EGFR: variants seen among roughly 807,000 people sequenced by gnomAD.
The protein encoded by EGFR is avian erythroblastic leukemia viral (v-erb-b) oncogene homolog.
In EGFR, 58 loss-of-function variants were observed where a neutral mutation model predicts 143.0. That is an observed-to-expected ratio of 0.41 (90% CI 0.33 to 0.50). The LOEUF is 0.50. Ranked by LOEUF, EGFR falls within the 20% of genes least tolerant of loss-of-function variation. The pLI is 0.39. For synonymous variants in EGFR, 613 were observed against 594.4 expected (o/e 1.03, Z -0.45); for missense variants, 1,307 against 1,579.0 (o/e 0.83, Z 2.92).
At chr7:55,041,295 C>T (rs1787882280) in intron 1 of EGFR, among the ~76,000 whole-genome samples, 1 of 152,162 alleles carries the variant, frequency 6.6e-6, no homozygotes, top group Non-Finnish European at 1.5e-5. Flanking sequence ...CCTGTAATCC[C>T]AGCTATTCGG....
chr7:55,095,915 C>T (rs926429557), intron 1 of EGFR, among the ~76,000 whole-genome samples: 1 of 151,200 alleles, frequency 6.6e-6, no homozygotes, highest in Admixed American at 6.6e-5. Context: ...GACATACATA[C>T]AATACACAGA....
Position 55,181,455 on chromosome 7 carries a change from A to G in EGFR, c.2446A>G (p.Asn816Asp), listed in dbSNP as rs1418675303. Residue 816 changes from asparagine to aspartate, a missense_variant, in exon 20 of 28, where the codon AAC (asparagine) becomes GAC (aspartate). This residue lies in a region of EGFR where 348 missense variants were observed against 451.5 expected (regional missense o/e 0.77). Transcript: ENST00000275493. ...CAATATTGGCTCCCAGTACCTGCTC[A>G]ACTGGTGTGTGCAGATCGCAAAGGT... ...KDNIGSQYLL[N>D]WCVQIAKGMN... The G allele has an allele frequency of 6.2e-7, 1 of 1,614,092 alleles. No homozygotes were observed. The highest frequency in any genetic ancestry group is 8.5e-7 in the Non-Finnish European group (1 of 1,180,040).
In EGFR at chr7:55,210,374, T is replaced by C. The variant is rs951547364; in HGVS notation, c.*4757T>C. 4 of 152,212 alleles carry C rather than the reference T, an allele frequency of 2.6e-5. No homozygotes were observed. Among genetic ancestry groups the C allele is most frequent in the Non-Finnish European group, 5.9e-5 (4 of 68,046 alleles). 9.4% of individuals were successfully genotyped at this position (152,212 alleles called of 1,614,324 possible). A position where few individuals can be genotyped will look rare whatever the true frequency, so the allele number is the denominator to read the frequency against. Reference sequence around the variant, plus strand: ...GGGCCCAGCCACCCTAGAGAAGTTATTCAGCCCTGGCTGCAGTGACATCAC... The same window carrying C: ...GGGCCCAGCCACCCTAGAGAAGTTACTCAGCCCTGGCTGCAGTGACATCAC... On this transcript the variant is annotated 3_prime_UTR_variant, in exon 28 of 28. Coordinates refer to ENST00000275493, the MANE Select transcript of EGFR (RefSeq NM_005228.5).
rs1300837354 is a variant in EGFR at position 55,207,986 on chromosome 7, A to G, written c.*2369A>G. 1.3e-5 allele frequency: 2 copies of G among 152,260 alleles called. No homozygotes were observed. 9.4% of individuals were successfully genotyped at this position (152,260 alleles called of 1,614,324 possible). A position where few individuals can be genotyped will look rare whatever the true frequency, so the allele number is the denominator to read the frequency against. ...TTATGTGTCAAGAAGCAGATGATCG[A>G]TGAGGCAGGTCAGTTGTAAGTGAGT... On this transcript the variant is annotated 3_prime_UTR_variant, in exon 28 of 28. Coordinates refer to ENST00000275493, the MANE Select transcript of EGFR (RefSeq NM_005228.5).
At chr7:55,076,312 C>T (rs915907808) in intron 1 of EGFR, among the ~76,000 whole-genome samples, 3 of 152,158 alleles carry the variant, frequency 2.0e-5, no homozygotes, top group African/African-American at 7.2e-5. Context: ...TTGTAACTTC[C>T]TTCAATCTAA....
chr7:55,171,483 G>A (rs981671232), intron 16 of EGFR, among the ~76,000 whole-genome samples: 3 of 152,244 alleles, frequency 2.0e-5, no homozygotes, highest in Non-Finnish European at 4.4e-5. Flanking sequence ...TGCATGGCCT[G>A]CCTCTGAATT....
chr7:55,153,053 G>C (rs1015233661), intron 6 of EGFR, among the ~76,000 whole-genome samples: 2 of 152,192 alleles, frequency 1.3e-5, no homozygotes, highest in African/African-American at 4.8e-5. Flanking sequence ...TTTATTGTTT[G>C]ACTTCGGCTA....
Position 55,022,077 on chromosome 7 carries a change from CG to C in EGFR, c.88+2715del, listed in dbSNP as rs1172975035. On this transcript the variant is annotated intron_variant, in intron 1 of 27. Coordinates refer to ENST00000275493, the MANE Select transcript of EGFR (RefSeq NM_005228.5). ...GATGAGCCTGTCTGAAGCTTCAACGCGGGCTGTCCGGCAGTCTGCATTCCTG... is the reference window on the plus strand; with the variant it reads ...GATGAGCCTGTCTGAAGCTTCAACGCGGCTGTCCGGCAGTCTGCATTCCTG... Among the ~76,000 whole-genome samples, 5 of 152,272 alleles carry C rather than the reference CG, an allele frequency of 3.3e-5. No homozygotes were observed. The East Asian group carries it at 5.8e-4, about 18-fold the overall frequency.
intron 26 of EGFR, 139 bp downstream of exon 26, chr7:55,201,921 C>A: frequency 9.9e-7 from 1 of 1,010,926 alleles, no homozygotes; most frequent in Non-Finnish European, 1.5e-6. Flanking sequence ...CCCTGCACGG[C>A]TGTCACGCCT....
chr7:55,175,514 G>A (rs1328684042), intron 19 of EGFR, among the ~76,000 whole-genome samples: 1 of 152,214 alleles, frequency 6.6e-6, no homozygotes, highest in Non-Finnish European at 1.5e-5. Context: ...GCTGGCTGGA[G>A]TCTGACAGAG....
chr7:55,143,081 C>T (rs560602389), intron 2 of EGFR, among the ~76,000 whole-genome samples: 29 of 152,316 alleles, frequency 1.9e-4, no homozygotes, highest in African/African-American at 6.3e-4. Context: ...GCTTACTGCT[C>T]ATTATCACAG....
intron 1 of EGFR, among the ~76,000 whole-genome samples, chr7:55,054,706 T>G (rs1788689445): frequency 6.6e-6 from 1 of 152,210 alleles, no homozygotes; most frequent in African/African-American, 2.4e-5. Flanking sequence ...CGGGAAGGTC[T>G]GGACCCCTTG....
At chr7:55,204,432 G>A (rs966131879) in intron 27 of EGFR, among the ~76,000 whole-genome samples, 3 of 140,240 alleles carry the variant, frequency 2.1e-5, no homozygotes, top group Non-Finnish European at 4.6e-5. Context: ...ATGTACACAT[G>A]TACACACACA....
chr7:55,087,459 T>C (rs1404801745), intron 1 of EGFR, among the ~76,000 whole-genome samples: 8 of 152,116 alleles, frequency 5.3e-5, no homozygotes, highest in Non-Finnish European at 1.2e-4. Context: ...AAACATTCTA[T>C]CCGGCAGTCT....
At chr7:55,103,299 T>C (rs1791929389) in intron 1 of EGFR, among the ~76,000 whole-genome samples, 2 of 152,228 alleles carry the variant, frequency 1.3e-5, no homozygotes, top group South Asian at 2.1e-4. Context: ...GTGTGCTTAA[T>C]ACATGGAAAG....
Position 55,142,389 on chromosome 7 carries a change from T to C in EGFR, c.192T>C (p.Asn64=), listed in dbSNP as rs1429293277. The C allele has an allele frequency of 6.8e-6, 11 of 1,614,204 alleles. No homozygotes were observed. Among genetic ancestry groups the C allele is most frequent in the Non-Finnish European group, 9.3e-6 (11 of 1,180,028 alleles). ...MFNNCEVVLG[N]LEITYVQRNY... ...ATAACTGTGAGGTGGTCCTTGGGAATTTGGAAATTACCTATGTGCAGAGGA... is the reference window on the plus strand; with the variant it reads ...ATAACTGTGAGGTGGTCCTTGGGAACTTGGAAATTACCTATGTGCAGAGGA... The change falls in exon 2 of 28, where the codon AAT becomes AAC. Residue 64 remains asparagine, a synonymous_variant. Coordinates refer to ENST00000275493, the MANE Select transcript of EGFR (RefSeq NM_005228.5).
chr7:55,034,603 A>C (rs943322689), intron 1 of EGFR, among the ~76,000 whole-genome samples: 1 of 152,174 alleles, frequency 6.6e-6, no homozygotes, highest in Admixed American at 6.5e-5. Flanking sequence ...CTAGTGTGTA[A>C]TAAGGCCTGC....
intron 1 of EGFR, among the ~76,000 whole-genome samples, chr7:55,084,895 G>C (rs986073549): frequency 1.3e-5 from 2 of 152,146 alleles, no homozygotes; most frequent in Non-Finnish European, 2.9e-5. Context: ...GCTGTCTTCT[G>C]TCCAGGTTCT....
chr7:55,123,660 T>C (rs560528354), intron 1 of EGFR, among the ~76,000 whole-genome samples: 1 of 151,904 alleles, frequency 6.6e-6, no homozygotes, highest in Non-Finnish European at 1.5e-5. Flanking sequence ...CAAGAGGAGG[T>C]CTAGAGCTAC....
Sources: allele counts gnomAD v4.1 joint callset (sites outside exome capture counted in the v4.1 genomes callset), GRCh38; gene constraint gnomAD v4.1.1; regional missense constraint gnomAD v4.1.1; transcripts MANE v1.5; gene names NCBI Gene and HGNC (gene_info 2026-07-23, HGNC 2026-07-21).